Variants in ZNF574 observed in about 807,000 individuals in gnomAD.
ZNF574 encodes the protein zinc finger protein 574.
In ZNF574, 25 loss-of-function variants were observed where a neutral mutation model predicts 56.6. That is an observed-to-expected ratio of 0.44 (90% CI 0.32 to 0.62). ZNF574 has a LOEUF of 0.62. ZNF574 is among the 20% of genes least tolerant of loss of function. The pLI is 0.04. For synonymous variants in ZNF574, 543 were observed against 492.1 expected, an observed-to-expected ratio of 1.10 and a Z score of -1.37; for missense variants, 1,065 against 1,218.9, an observed-to-expected ratio of 0.87 and a Z score of 1.88.
rs763217161 is a variant in ZNF574, at chr19:42,079,286, C to T, written c.680C>T (p.Ala227Val). 2.3e-5 allele frequency: 37 copies of T among 1,613,858 alleles called. No homozygotes were observed. Among genetic ancestry groups the T allele is most frequent in the Admixed American group, 3.3e-5 (2 of 59,996 alleles). ...TGCTCCCAGCTCTTCCAGCTGCCGGCGGATTTCCTGGAGCACCAGGCCACT... is the reference window on the plus strand; with the variant it reads ...TGCTCCCAGCTCTTCCAGCTGCCGGTGGATTTCCTGGAGCACCAGGCCACT... ...SECSQLFQLP[A>V]DFLEHQATHF... The change falls in exon 2 of 2, where the codon GCG becomes GTG. Residue 227 changes from alanine (A) to valine (V), a missense_variant. Ala to Val is a moderately conservative substitution (Grantham distance 64, BLOSUM62 0). Transcript: ENST00000359044. The surrounding 1 kb of genome is among the most constrained non-coding windows in gnomAD (Gnocchi z 4.3).
upstream of ZNF574, chr19:42,075,100 G>C (rs560675628): frequency 1.3e-5 from 2 of 152,306 alleles, no homozygotes; most frequent in African/African-American, 4.8e-5. Context: ...TGGCCAGGTG[G>C]GTCTCGAATG....
chr19:42,068,646 G>A (rs2076375940), exon 1 of ZNF574: 2 of 429,528 alleles, frequency 4.7e-6, no homozygotes, highest in African/African-American at 2.0e-5. Context: ...ACCTGCCGAG[G>A]GAGACTTGGA....
In ZNF574 at chr19:42,079,480, A is replaced by C. The variant is rs765488582; in HGVS notation, c.874A>C (p.Arg292=). 4.3e-6 allele frequency: 7 copies of C among 1,613,528 alleles called. No homozygotes were observed. Among genetic ancestry groups the C allele is most frequent in the Non-Finnish European group, 5.9e-6 (7 of 1,180,028 alleles). The change falls in exon 2 of 2, where the codon AGG becomes CGG. Residue 292 remains arginine (R), a synonymous_variant. Transcript: ENST00000359044. This position sits in a 1 kb window ranked among gnomAD's most constrained non-coding sequence, Gnocchi z 4.3. ...EAIGRDRRGR[R]ARRNNSGEAG... ...CATTGGGCGGGATCGCCGGGGGCGC[A>C]GGGCCCGGAGGAACAACAGTGGAGA... is the stretch of plus-strand genomic sequence containing the variant.
chr19:42,079,249 A>T lies in ZNF574; in HGVS notation c.643A>T (p.Lys215Ter), dbSNP rs746570352. ...GACTGAGGTGGAGCTGCTCCTCTAC[A>T]AGTGCTCTGAGTGCTCCCAGCTCTT... The part of the protein sequence containing the change: ...VVTEVELLLY[K>*]CSECSQLFQL... The change falls in exon 2 of 2, where the codon AAG becomes TAG. Residue 215 changes from lysine to a stop codon, truncating the protein, a stop_gained. Coordinates refer to ENST00000359044, the MANE Select transcript of ZNF574 (RefSeq NM_022752.6). LOFTEE classifies it high-confidence loss of function. The surrounding 1 kb of genome is among the most constrained non-coding windows in gnomAD (Gnocchi z 4.3). The T allele has an allele frequency of 6.2e-7, 1 of 1,613,752 alleles. No homozygotes were observed. The highest frequency in any genetic ancestry group is 8.5e-7 in the Non-Finnish European group (1 of 1,179,958).
At chr19:42,078,334 G>A (rs1230469332) in intron 1 of ZNF574, among the ~76,000 whole-genome samples, 1 of 152,120 alleles carries the variant, frequency 6.6e-6, no homozygotes, top group African/African-American at 2.4e-5. Context: ...TCTGGTGGGT[G>A]GAGTTTGATG....
chr19:42,074,183 G>T (rs2146208071), upstream of ZNF574, among the ~76,000 whole-genome samples: 1 of 150,860 alleles, frequency 6.6e-6, no homozygotes, highest in South Asian at 2.1e-4. Context: ...TAGGCCAGGT[G>T]CAGTGGCTCA....
upstream of ZNF574, among the ~76,000 whole-genome samples, chr19:42,073,927 G>C (rs573762535): frequency 3.3e-5 from 5 of 149,976 alleles, no homozygotes; most frequent in Non-Finnish European, 7.4e-5. Flanking sequence ...GAGGTCAAGA[G>C]TTCGAGACCA....
chr19:42,071,787 T>G (rs188415008), upstream of ZNF574, among the ~76,000 whole-genome samples: 1 of 152,050 alleles, frequency 6.6e-6, no homozygotes, highest in Non-Finnish European at 1.5e-5. Flanking sequence ...GTGGACCACC[T>G]GAGGTTGGGA....
chr19:42,072,691 C>T (rs2076432587), upstream of ZNF574, among the ~76,000 whole-genome samples: 2 of 152,174 alleles, frequency 1.3e-5, no homozygotes, highest in South Asian at 2.1e-4. Context: ...CTCAGCCTCC[C>T]GCGTAGCTGG....
Position 42,079,474 on chromosome 19 carries a change from G to A in ZNF574, c.868G>A (p.Gly290Arg), listed in dbSNP as rs764175887. The change falls in exon 2 of 2, where the codon GGG becomes AGG. Residue 290 changes from glycine (G) to arginine (R), a missense_variant. Transcript: ENST00000359044. The surrounding 1 kb of genome is among the most constrained non-coding windows in gnomAD (Gnocchi z 4.3). The part of the protein sequence containing the change: ...NGEAIGRDRR[G>R]RRARRNNSGE... ...TGAAGCCATTGGGCGGGATCGCCGG[G>A]GGCGCAGGGCCCGGAGGAACAACAG... 1.2e-6 allele frequency: 2 copies of A among 1,613,518 alleles called. No individual in the cohort carries two copies. The highest frequency in any genetic ancestry group is 2.7e-5 in the African/African-American group (2 of 74,940).
upstream of ZNF574, among the ~76,000 whole-genome samples, chr19:42,072,628 G>C (rs562231733): frequency 6.7e-6 from 1 of 149,346 alleles, no homozygotes; most frequent in African/African-American, 2.5e-5. Flanking sequence ...GTGCAATGGC[G>C]CCATCTTGGC....
At chr19:42,078,424 T>C (rs1253595869) in intron 1 of ZNF574, among the ~76,000 whole-genome samples, 163 bp from the exon 2 acceptor site, 2 of 152,098 alleles carry the variant, frequency 1.3e-5, no homozygotes, top group East Asian at 3.8e-4. Context: ...GTGTTTGTTA[T>C]GCTGAGGGGA....
intron 1 of ZNF574, among the ~76,000 whole-genome samples, chr19:42,070,131 G>GCCAC (rs1421990666): frequency 6.6e-6 from 1 of 152,008 alleles, no homozygotes; most frequent in Non-Finnish European, 1.5e-5. Flanking sequence ...GCTGGCTGCC[G>GCCAC]CCACCGCTCA....
Position 42,079,966 on chromosome 19 carries a change from G to C in ZNF574, c.1360G>C (p.Glu454Gln). The change falls in exon 2 of 2, where the codon GAG (glutamate) becomes CAG (glutamine). Residue 454 changes from glutamate (E) to glutamine (Q), a missense_variant. Glu to Gln is a conservative substitution (Grantham distance 29, BLOSUM62 2). Transcript: ENST00000359044. This position sits in a 1 kb window ranked among gnomAD's most constrained non-coding sequence, Gnocchi z 4.3. ...EPEAPEPPVS[E>Q]ETSAGPAAPG... ...AGAGGCCCCTGAGCCCCCTGTGTCT[G>C]AGGAGACCTCAGCAGGGCCCGCTGC... The C allele has an allele frequency of 6.2e-7, 1 of 1,613,838 alleles. No individual in the cohort carries two copies. The highest frequency in any genetic ancestry group is 8.5e-7 in the Non-Finnish European group (1 of 1,180,030).
upstream of ZNF574, among the ~76,000 whole-genome samples, chr19:42,073,525 A>T (rs948353312): frequency 6.8e-5 from 10 of 146,384 alleles, no homozygotes; most frequent in Admixed American, 1.4e-4. Context: ...TATCTCTATA[A>T]AAAAAAAAAA....
chr19:42,078,571 C>G lies in ZNF574; in HGVS notation c.-20-16C>G, dbSNP rs760858080. The G allele has an allele frequency of 1.9e-6, 3 of 1,591,126 alleles. No individual in the cohort carries two copies. The highest frequency in any genetic ancestry group is 2.0e-4 in the Middle Eastern group (1 of 4,970). ...CGGTGACCTAACTGGTTTGTCCCCA[C>G]TGTCTCCTCTTCCAGCCCAGGGCCT... On this transcript the variant is annotated splice_polypyrimidine_tract_variant and intron_variant, in intron 1 of 1. Transcript: ENST00000359044.
At position 42,080,811 on chromosome 19, in the gene ZNF574, C is replaced by T. The variant is rs1309379839; in HGVS notation, c.2205C>T (p.Arg735=). Residue 735 remains arginine, a synonymous_variant, in exon 2 of 2, where the codon CGC becomes CGT. Coordinates refer to ENST00000359044, the MANE Select transcript of ZNF574 (RefSeq NM_022752.6). This position sits in a 1 kb window ranked among gnomAD's most constrained non-coding sequence, Gnocchi z 8.5. The part of the protein sequence containing the change: ...ATASPAAPAR[R]RGLECSECKK... The stretch of plus-strand genomic sequence containing the variant: ...CATCCCCTGCGGCCCCTGCCCGCCG[C>T]CGGGGTCTAGAGTGCAGCGAGTGCA... 1 of 1,613,902 alleles carries T rather than the reference C, an allele frequency of 6.2e-7. No homozygotes were observed. Among genetic ancestry groups the T allele is most frequent in the African/African-American group, 1.3e-5 (1 of 74,922 alleles).
intron 1 of ZNF574, among the ~76,000 whole-genome samples, chr19:42,077,933 A>G (rs1471673565): frequency 2.0e-5 from 3 of 152,006 alleles, no homozygotes; most frequent in Non-Finnish European, 4.4e-5. Flanking sequence ...ACTGGGGGGA[A>G]GGGATATAGT....
At chr19:42,076,586 G>T (rs1046156766) in intron 1 of ZNF574, among the ~76,000 whole-genome samples, 1 of 152,168 alleles carries the variant, frequency 6.6e-6, no homozygotes, top group East Asian at 1.9e-4. Flanking sequence ...TCCCAAGAGG[G>T]CTCCGCGGCT....
Sources: allele counts gnomAD v4.1 joint callset (sites outside exome capture counted in the v4.1 genomes callset), GRCh38; gene constraint gnomAD v4.1.1; non-coding constraint Gnocchi (gnomAD v3.1); transcripts MANE v1.5; gene names NCBI Gene and HGNC (gene_info 2026-07-23, HGNC 2026-07-21).